Variants in DIO2 observed in about 807,000 individuals in gnomAD.
DIO2 encodes iodothyronine deiodinase 2.
DIO2 carries 19 observed loss-of-function variants against 21.4 expected under a neutral mutation model. That is an observed-to-expected ratio of 0.89 (90% CI 0.62 to 1.30). The LOEUF is 1.30. Among genes scored for constraint, DIO2 ranks in the 50% most tolerant of loss-of-function variants. DIO2 has a pLI of 0.00. For synonymous variants in DIO2, 122 were observed against 132.9 expected (o/e 0.92, Z 0.57); for missense variants, 302 against 338.1 (o/e 0.89, Z 0.84).
intron 1 of DIO2, among the ~76,000 whole-genome samples, chr14:80,209,584 T>C (rs1412638137): frequency 6.6e-6 from 1 of 152,222 alleles, no homozygotes; most frequent in Non-Finnish European, 1.5e-5. Context: ...CCATTCAATG[T>C]ATACTTTTGT....
intron 1 of DIO2, 40 bp downstream of exon 1, chr14:80,211,211 C>T (rs760473799): frequency 3.2e-6 from 5 of 1,574,636 alleles, no homozygotes; most frequent in African/African-American, 1.3e-5. Context: ...AGCCCCTGCC[C>T]CTGTAGACCT....
intron 1 of DIO2, among the ~76,000 whole-genome samples, chr14:80,207,107 G>A (rs1183563509): frequency 6.6e-6 from 1 of 152,066 alleles, no homozygotes; most frequent in African/African-American, 2.4e-5. Flanking sequence ...GTTTTTGCAA[G>A]CAACATCAAC....
chr14:80,222,161 T>C (rs1338638383), intron 2 of DIO2, among the ~76,000 whole-genome samples: 2 of 152,232 alleles, frequency 1.3e-5, no homozygotes, highest in East Asian at 1.9e-4. Context: ...TTAAATTTTG[T>C]AGGTGTGCTT....
chr14:80,215,276 C>CT (rs1208913521), upstream of DIO2, among the ~76,000 whole-genome samples: 2 of 152,152 alleles, frequency 1.3e-5, no homozygotes, highest in Non-Finnish European at 2.9e-5. Context: ...AATTGTTTAA[C>CT]TTTTTTATAT....
In DIO2 at chr14:80,220,040, T is replaced by TTG. The variant is rs10553303; in HGVS notation, c.-277-3305_-277-3304dup. ...GAAAGAAGTTTGTTACAATCTTGTT[T>TTG]TGTGTGTGTGTGTGTGTGTGTGTGT... On this transcript the variant is annotated intron_variant, in intron 2 of 4. Transcript: ENST00000553594. Among the ~76,000 whole-genome samples, 749 of 150,086 alleles carry TTG rather than the reference T, an allele frequency of 5.0e-3. 3 individuals are homozygous for TTG. The highest frequency in any genetic ancestry group is 0.013 in the East Asian group (67 of 5,050).
At chr14:80,220,402 T>C (rs1888443173) in intron 2 of DIO2, among the ~76,000 whole-genome samples, 1 of 152,222 alleles carries the variant, frequency 6.6e-6, no homozygotes, top group Non-Finnish European at 1.5e-5. Context: ...GGCAATGCTG[T>C]TCATTTATAG....
Position 80,200,178 on chromosome 14 carries a change from T to C in DIO2, c.*2511A>G, listed in dbSNP as rs1887659295. 1 of 152,620 alleles carries C rather than the reference T, an allele frequency of 6.6e-6. No individual in the cohort carries two copies. The highest frequency in any genetic ancestry group is 1.5e-5 in the Non-Finnish European group (1 of 68,040). The allele number at this position is 152,620 out of a possible 1,614,324, so 9.5% of individuals were successfully genotyped here. ...GGATTCCTGAGCTTTGTCCATTCAT[T>C]TTCTCCATTGGCCCTTCCACAGCCT... On this transcript the variant is annotated 3_prime_UTR_variant, in exon 2 of 2. Transcript: ENST00000438257.
chr14:80,211,224 G>A (rs1888174858), intron 1 of DIO2, 27 bp downstream of exon 1: 1 of 1,595,752 alleles, frequency 6.3e-7, no homozygotes, highest in Non-Finnish European at 8.5e-7. Context: ...GTAGACCTAG[G>A]GAGAAGCCCT....
Position 80,199,653 on chromosome 14 carries a change from T to A in DIO2, c.*3036A>T, listed in dbSNP as rs919665222. Reference sequence around the variant, plus strand: ...GTCAGTTTTTGATAGGTCCAAGACATAAGTCTTTCAAACAATAAGTGTTTG... The same window carrying A: ...GTCAGTTTTTGATAGGTCCAAGACAAAAGTCTTTCAAACAATAAGTGTTTG... On this transcript the variant is annotated 3_prime_UTR_variant, in exon 2 of 2. Coordinates refer to ENST00000438257, the MANE Select transcript of DIO2 (RefSeq NM_013989.5). 4 of 152,632 alleles carry A rather than the reference T, an allele frequency of 2.6e-5. No individual in the cohort carries two copies. Among genetic ancestry groups the A allele is most frequent in the African/African-American group, 9.7e-5 (4 of 41,444 alleles). The allele number at this position is 152,632 out of a possible 1,614,324, so 9.5% of individuals were successfully genotyped here.
chr14:80,203,690 A>C lies in DIO2; in HGVS notation c.223-402T>G, dbSNP rs577327640. On this transcript the variant is annotated intron_variant, in intron 1 of 1. Transcript: ENST00000438257. ...AATTAGAAGCAAATGGTCTACTTTA[A>C]GACAAATTATCAGGGTCTTGGGACA... 9.1e-4 allele frequency among the ~76,000 whole-genome samples: 138 copies of C among 152,368 alleles called. 1 individual carries two copies. Among genetic ancestry groups the C allele is most frequent in the Non-Finnish European group, 1.7e-3 (117 of 68,034 alleles).
chr14:80,207,957 GT>G (rs1469882553), intron 1 of DIO2, among the ~76,000 whole-genome samples: 1 of 152,172 alleles, frequency 6.6e-6, no homozygotes, highest in Non-Finnish European at 1.5e-5. Context: ...GGAGGAGAAT[GT>G]TAAAGAGACC....
chr14:80,202,748 G>A lies in DIO2; in HGVS notation c.763C>T (p.Arg255Trp), dbSNP rs200301817. The A allele has an allele frequency of 8.7e-6, 14 of 1,613,784 alleles. No individual in the cohort carries two copies. The East Asian group carries it at 2.5e-4, about 28-fold the overall frequency. Residue 255 changes from arginine to tryptophan, a missense_variant, in exon 2 of 2, where the codon CGG becomes TGG. Physicochemically the swap from Arg to Trp is moderately radical, Grantham distance 101. Transcript: ENST00000438257. The stretch of plus-strand genomic sequence containing the variant: ...CTGAAATTCTTCTCCAGCCAATGCC[G>A]GACTTCTTGAAGGTTGTAGGAGAAG... Reference protein sequence around the residue: ...GPFSYNLQEVRHWLEKNFSKR... With the variant: ...GPFSYNLQEVWHWLEKNFSKR...
intron 1 of DIO2, among the ~76,000 whole-genome samples, chr14:80,209,456 C>T (rs965640405): frequency 3.3e-5 from 5 of 151,768 alleles, no homozygotes; most frequent in Admixed American, 6.6e-5. Context: ...TCTGCTAACA[C>T]GTATAAAATA....
chr14:80,205,608 T>C, intron 1 of DIO2: 1 of 1,329,760 alleles, frequency 7.5e-7, no homozygotes, highest in Non-Finnish European at 9.9e-7. Context: ...TTACCTGCAG[T>C]AAATTTTCTT....
intron 2 of DIO2, among the ~76,000 whole-genome samples, chr14:80,226,887 C>A (rs1404150343): frequency 6.6e-6 from 1 of 152,176 alleles, no homozygotes. Context: ...CAGTTTTTGA[C>A]CAGAGAGATC....
chr14:80,211,748 T>TC (rs1315162218), upstream of DIO2: 1 of 128,588 alleles, frequency 7.8e-6, no homozygotes, highest in African/African-American at 3.6e-5. Context: ...TTTTTTTTTT[T>TC]TTTTTTTTTT....
At chr14:80,218,372 T>C (rs533277470) in intron 2 of DIO2, among the ~76,000 whole-genome samples, 55 of 152,190 alleles carry the variant, frequency 3.6e-4, no homozygotes, top group Non-Finnish European at 5.4e-4. Context: ...AGGAACTTTA[T>C]GGGTGGGTTC....
At position 80,202,650 on chromosome 14, in the gene DIO2, T is replaced by C; in HGVS notation, c.*39A>G. ...AGTTCTTAATTTCCTTGCCTTTATA[T>C]AACTTTTTAAAACAATAAGCTCTCT... is the stretch of plus-strand genomic sequence containing the variant. On this transcript the variant is annotated 3_prime_UTR_variant, in exon 2 of 2. Transcript: ENST00000438257. 3 of 1,537,376 alleles carry C rather than the reference T, an allele frequency of 2.0e-6. No homozygotes were observed. Among genetic ancestry groups the C allele is most frequent in the Non-Finnish European group, 2.6e-6 (3 of 1,142,386 alleles).
At chr14:80,219,497 T>A (rs1048756589) in intron 2 of DIO2, 2 of 147,130 alleles carry the variant, frequency 1.4e-5, no homozygotes, top group African/African-American at 5.2e-5. Context: ...GATTGACAAC[T>A]GTAAGTCATT....
Sources: gnomAD v4.1 joint callset for allele counts (sites outside exome capture counted in the v4.1 genomes callset) on GRCh38, gnomAD v4.1.1 for gene constraint, MANE v1.5 for transcripts, NCBI Gene and HGNC (gene_info 2026-07-23, HGNC 2026-07-21) for gene names.